The following TMTC1 variants were observed in gnomAD, a reference collection of about 807,000 sequenced individuals.
The protein encoded by TMTC1 is protein O-mannosyl-transferase TMTC1.
TMTC1 carries 73 observed loss-of-function variants against 104.8 expected under a neutral mutation model. That is an observed-to-expected ratio of 0.70 (90% CI 0.58 to 0.85). The LOEUF is 0.85. Ranked by LOEUF, TMTC1 falls within the 40% of genes least tolerant of loss-of-function variation. TMTC1 has a pLI of 0.00. For missense variants in TMTC1, 1,035 were observed against 1,096.1 expected, an observed-to-expected ratio of 0.94 and a Z score of 0.79; for synonymous variants, 434 against 428.7, an observed-to-expected ratio of 1.01 and a Z score of -0.15.
At chr12:29,725,511 T>G (rs1942366010) in intron 5 of TMTC1, among the ~76,000 whole-genome samples, 1 of 152,142 alleles carries the variant, frequency 6.6e-6, no homozygotes, top group Admixed American at 6.5e-5. Context: ...GCCAAGTACT[T>G]AATGTGGAAA....
rs770540372 is a variant in TMTC1 at position 29,572,233 on chromosome 12, T to A, written c.1419-15A>T. 6.3e-7 allele frequency: 1 copy of A among 1,576,154 alleles called. No homozygotes were observed. Among genetic ancestry groups the A allele is most frequent in the Non-Finnish European group, 8.7e-7 (1 of 1,146,300 alleles). Reference sequence around the variant, plus strand: ...GAACTCCAGACCTAAAATGAATAAATTTTTAAAAAGAATTATTTGACAAAG... The same window carrying A: ...GAACTCCAGACCTAAAATGAATAAAATTTTAAAAAGAATTATTTGACAAAG... On this transcript the variant is annotated splice_polypyrimidine_tract_variant and intron_variant, in intron 8 of 17. Coordinates refer to ENST00000539277, the MANE Select transcript of TMTC1 (RefSeq NM_001193451.2).
rs879718488 is a variant in TMTC1, at chr12:29,637,101, C to A, written c.939-3765G>T. Among the ~76,000 whole-genome samples the A allele has an allele frequency of 8.0e-3, 1,213 of 150,896 alleles. 59 individuals carry two copies. The highest frequency in any genetic ancestry group is 0.075 in the Admixed American group (1,133 of 15,084). On this transcript the variant is annotated intron_variant, in intron 5 of 17. Transcript: ENST00000539277. ...AAAATGAGAAACACACACACACACACACACACACACACACACACACACAAA... is the reference window on the plus strand; with the variant it reads ...AAAATGAGAAACACACACACACACAAACACACACACACACACACACACAAA...
At chr12:29,684,907 A>C (rs1941042800) in intron 5 of TMTC1, among the ~76,000 whole-genome samples, 1 of 152,212 alleles carries the variant, frequency 6.6e-6, no homozygotes, top group Non-Finnish European at 1.5e-5. Flanking sequence ...AGTTGAAAAC[A>C]TAGTTTTCTT....
At chr12:29,695,823 AT>A (rs1337301862) in intron 5 of TMTC1, among the ~76,000 whole-genome samples, 1,189 of 95,294 alleles carry the variant, frequency 0.012, 26 homozygotes, top group African/African-American at 0.043. Context: ...ATATATATAT[AT>A]ATATAACCTG....
intron 5 of TMTC1, among the ~76,000 whole-genome samples, chr12:29,709,074 G>A (rs1254627158): frequency 6.6e-6 from 1 of 152,048 alleles, no homozygotes; most frequent in East Asian, 1.9e-4. Context: ...TTTAAATACT[G>A]TTTTTGTTTA....
intron 16 of TMTC1, 56 bp from the exon 17 acceptor site, chr12:29,512,176 T>G: frequency 7.0e-7 from 1 of 1,420,674 alleles, no homozygotes; most frequent in Non-Finnish European, 9.6e-7. Flanking sequence ...ACTCCAGGAT[T>G]GCAGAAACCA....
chr12:29,669,688 A>G (rs903640196), intron 5 of TMTC1, among the ~76,000 whole-genome samples: 2 of 152,190 alleles, frequency 1.3e-5, no homozygotes, highest in Non-Finnish European at 2.9e-5. Flanking sequence ...TTTCTACTAT[A>G]ATCTTTTGTT....
chr12:29,762,895 C>T (rs1943384845), intron 2 of TMTC1, among the ~76,000 whole-genome samples: 1 of 152,234 alleles, frequency 6.6e-6, no homozygotes, highest in African/African-American at 2.4e-5. Flanking sequence ...ACTACACTAC[C>T]ACCTCCTTGA....
In TMTC1 at chr12:29,518,477, G is replaced by A. The variant is rs1944054212; in HGVS notation, c.2019C>T (p.Tyr673=). ...LGENSMAEEW[Y]KRALQVAHKA... Reference sequence around the variant, plus strand: ...GAAAAGAAAGGGAACTTTACCGCTTGTACCATTCTTCAGCCATGCTGTTCT... The same window carrying A: ...GAAAAGAAAGGGAACTTTACCGCTTATACCATTCTTCAGCCATGCTGTTCT... Residue 673 remains tyrosine (Y), a synonymous_variant, in exon 13 of 18, where the codon TAC becomes TAT. Transcript: ENST00000539277. The A allele has an allele frequency of 1.9e-6, 3 of 1,613,202 alleles. No homozygotes were observed. Among genetic ancestry groups the A allele is most frequent in the African/African-American group, 2.7e-5 (2 of 74,906 alleles).
chr12:29,531,292 T>A (rs3910439), intron 11 of TMTC1, among the ~76,000 whole-genome samples: 2,701 of 152,334 alleles, frequency 0.018, 41 homozygotes, highest in Non-Finnish European at 0.025. Flanking sequence ...ATATAGCATT[T>A]GTAGGAGAGA....
intron 11 of TMTC1, among the ~76,000 whole-genome samples, chr12:29,528,466 G>T (rs562075836): frequency 1.3e-5 from 2 of 152,254 alleles, no homozygotes; most frequent in African/African-American, 4.8e-5. Context: ...TTTCAGTGGT[G>T]TGGAAATAAA....
chr12:29,736,902 A>G (rs1035114793), intron 5 of TMTC1, among the ~76,000 whole-genome samples: 1 of 152,240 alleles, frequency 6.6e-6, no homozygotes, highest in East Asian at 1.9e-4. Context: ...TCCATGTCTC[A>G]GAAATGCCAC....
At chr12:29,510,878 G>T (rs1165078377) in intron 17 of TMTC1, among the ~76,000 whole-genome samples, 1 of 152,094 alleles carries the variant, frequency 6.6e-6, no homozygotes, top group East Asian at 1.9e-4. Context: ...CTCCTTGAAG[G>T]CTGCATGATC....
At chr12:29,580,623 T>A (rs1189394589) in intron 8 of TMTC1, among the ~76,000 whole-genome samples, 1 of 152,224 alleles carries the variant, frequency 6.6e-6, no homozygotes, top group Non-Finnish European at 1.5e-5. Context: ...AGATGGAGTC[T>A]CTGCCAAGGG....
chr12:29,680,282 G>T (rs1041197673), intron 5 of TMTC1, among the ~76,000 whole-genome samples: 1 of 152,122 alleles, frequency 6.6e-6, no homozygotes, highest in Non-Finnish European at 1.5e-5. Flanking sequence ...AAAAAGCCTA[G>T]AAACAGTGAG....
chr12:29,531,323 T>G (rs1944498256), intron 11 of TMTC1, among the ~76,000 whole-genome samples: 1 of 152,228 alleles, frequency 6.6e-6, no homozygotes, highest in Admixed American at 6.5e-5. Flanking sequence ...CCCAGGACTT[T>G]TTATTTGACC....
At chr12:29,581,096 A>G (rs1465157491) in intron 8 of TMTC1, among the ~76,000 whole-genome samples, 1 of 152,198 alleles carries the variant, frequency 6.6e-6, no homozygotes, top group Non-Finnish European at 1.5e-5. Context: ...TAACTTGCCT[A>G]AGATCACACA....
intron 1 of TMTC1, among the ~76,000 whole-genome samples, chr12:29,768,382 A>G (rs1238451438): frequency 6.6e-6 from 1 of 152,192 alleles, no homozygotes; most frequent in Non-Finnish European, 1.5e-5. Context: ...GCTAATGCAA[A>G]TATGCCCCCT....
rs1040261453 is a variant in TMTC1, at chr12:29,520,876, G to A, written c.1786-156C>T. ...AGATAAGGCACTATGAACTTTGTTTGAATTAAAGGCAATATTAACTGTGTA... is the reference window on the plus strand; with the variant it reads ...AGATAAGGCACTATGAACTTTGTTTAAATTAAAGGCAATATTAACTGTGTA... On this transcript the variant is annotated intron_variant, in intron 11 of 17. Transcript: ENST00000539277. 3 of 609,524 alleles carry A rather than the reference G, an allele frequency of 4.9e-6. No homozygotes were observed. In the African/African-American group the frequency reaches 5.6e-5, roughly 11 times the overall value. The allele number at this position is 609,524 out of a possible 1,614,324, so 37.8% of individuals were successfully genotyped here. A position where few individuals can be genotyped will look rare whatever the true frequency, so the allele number is the denominator to read the frequency against.
Sources: gnomAD v4.1 joint callset for allele counts (sites outside exome capture counted in the v4.1 genomes callset) on GRCh38, gnomAD v4.1.1 for gene constraint, MANE v1.5 for transcripts, NCBI Gene and HGNC (gene_info 2026-07-23, HGNC 2026-07-21) for gene names.